SH3TC1: variants seen among roughly 807,000 people sequenced by gnomAD.
SH3TC1 encodes the protein SH3 domain and tetratricopeptide repeats 1, also known as SH3 domain and tetratricopeptide repeat-containing protein 1.
A neutral mutation model predicts 117.3 loss-of-function variants in SH3TC1; 135 were observed. The observed-to-expected ratio is 1.15, with a 90% CI of 1.00 to 1.33. The LOEUF is 1.33. Ranked by LOEUF, SH3TC1 falls within the 40% of genes most tolerant of loss-of-function variation. SH3TC1 has a pLI of 0.00. For missense variants in SH3TC1, 2,092 were observed against 1,794.3 expected (o/e 1.17, Z -3.00); for synonymous variants, 898 against 816.9 (o/e 1.10, Z -1.69).
At chr4:8,231,260 G>T (rs543393954) in intron 12 of SH3TC1, 2 of 152,492 alleles carry the variant, frequency 1.3e-5, no homozygotes, top group South Asian at 2.1e-4. Flanking sequence ...CTCCTGCTTT[G>T]GTCTCAGTCC....
At chr4:8,233,103 G>A (rs903493591) in intron 13 of SH3TC1, 56 of 1,316,798 alleles carry the variant, frequency 4.3e-5, no homozygotes, top group Middle Eastern at 5.9e-4. Context: ...TCTGGGACGC[G>A]GGGGAGATGG....
Position 8,225,312 on chromosome 4 carries a change from G to A in SH3TC1, c.1285+96G>A. 1.4e-6 allele frequency: 2 copies of A among 1,402,112 alleles called. No homozygotes were observed. Among genetic ancestry groups the A allele is most frequent in the Non-Finnish European group, 2.0e-6 (2 of 1,012,416 alleles). 86.9% of individuals were successfully genotyped at this position (1,402,112 alleles called of 1,614,324 possible). A position where few individuals can be genotyped will look rare whatever the true frequency, so the allele number is the denominator to read the frequency against. On this transcript the variant is annotated intron_variant, in intron 11 of 17. Coordinates refer to ENST00000245105, the MANE Select transcript of SH3TC1 (RefSeq NM_018986.5). This position sits in a 1 kb window ranked among gnomAD's most constrained non-coding sequence, Gnocchi z 5.5. ...ACAAAGCTGAGCACGGTGGGCATTG[G>A]GTGCGGCTGTCACCCCTCTGTGGTG...
At chr4:8,208,893 A>G (rs1473182130) in intron 2 of SH3TC1, among the ~76,000 whole-genome samples, 1 of 152,254 alleles carries the variant, frequency 6.6e-6, no homozygotes, top group Admixed American at 6.5e-5. Context: ...GACCGGCCAC[A>G]CAGAAGTTCA....
At chr4:8,231,327 G>A (rs1721184281) in intron 12 of SH3TC1, 2 of 152,788 alleles carry the variant, frequency 1.3e-5, no homozygotes, top group Non-Finnish European at 2.9e-5. Context: ...CTTGGGGAAT[G>A]TCCCATGGGC....
chr4:8,194,986 G>C (rs768526179), upstream of SH3TC1, among the ~76,000 whole-genome samples: 1 of 152,190 alleles, frequency 6.6e-6, no homozygotes, highest in African/African-American at 2.4e-5. Context: ...ATCTGGGCTG[G>C]TTCTGCCACA....
Position 8,214,558 on chromosome 4 carries a change from G to A in SH3TC1, c.459G>A (p.Lys153=). The A allele has an allele frequency of 7.4e-6, 12 of 1,613,920 alleles. No individual in the cohort carries two copies. Among genetic ancestry groups the A allele is most frequent in the Non-Finnish European group, 1.0e-5 (12 of 1,179,978 alleles). The part of the protein sequence containing the change: ...VTFKTFEEIW[K]FSTYHALGFT... ...TTAAGACTTTTGAAGAAATCTGGAA[G>A]TTTTCCACCTACCATGCTCTCGGTA... is the stretch of plus-strand genomic sequence containing the variant. Residue 153 remains lysine (K), a synonymous_variant, in exon 5 of 18, where the codon AAG becomes AAA. Transcript: ENST00000245105.
rs1230909205 is a variant in SH3TC1 at position 8,216,233 on chromosome 4, C to G, written c.604C>G (p.His202Asp). The change falls in exon 6 of 18, where the codon CAC becomes GAC. Residue 202 changes from histidine (H) to aspartate (D), a missense_variant. Transcript: ENST00000245105. The part of the protein sequence containing the change: ...HVDENALRLT[H>D]ESLLIQEGPF... ...GGATGAGAACGCCTTAAGGCTGACC[C>G]ACGAGAGCCTCCTCATCCAAGAAGG... 3.3e-5 allele frequency: 53 copies of G among 1,613,536 alleles called. No individual in the cohort carries two copies. The East Asian group carries it at 1.2e-3, about 36-fold the overall frequency.
chr4:8,222,849 T>C lies in SH3TC1; in HGVS notation c.1122T>C (p.Ser374=). Residue 374 remains serine, a synonymous_variant, in exon 10 of 18, where the codon AGT becomes AGC. Transcript: ENST00000245105. ...SMQGPVSELE[S]AIFLNEEEKS... is the part of the protein sequence containing the mutation. ...ACTTTATTTTTTCCAGGTTGGAAAG[T>C]GCGATTTTTCTCAATGAGGAAGAAA... 6.2e-7 allele frequency: 1 copy of C among 1,611,170 alleles called. No homozygotes were observed. The highest frequency in any genetic ancestry group is 1.1e-5 in the South Asian group (1 of 91,022).
intron 1 of SH3TC1, among the ~76,000 whole-genome samples, chr4:8,189,263 G>T (rs182524906): frequency 1.3e-5 from 2 of 152,252 alleles, no homozygotes; most frequent in Non-Finnish European, 2.9e-5. Flanking sequence ...AGCAAGGCCC[G>T]CCAGTCTCCT....
At position 8,227,425 on chromosome 4, in the gene SH3TC1, C is replaced by A; in HGVS notation, c.1731C>A (p.Ser577=). The change falls in exon 12 of 18, where the codon TCC becomes TCA. Residue 577 remains serine (S), a synonymous_variant. Coordinates refer to ENST00000245105, the MANE Select transcript of SH3TC1 (RefSeq NM_018986.5). ...TGTGCAGCAGGAGGCTCAAGCTGTC[C>A]CAGGCCCGGGTGTACTTTGAGGAAG... ...GRLCSRRLKL[S]QARVYFEEAL... is the part of the protein sequence containing the mutation. The A allele has an allele frequency of 6.4e-7, 1 of 1,555,062 alleles. No individual in the cohort carries two copies.
chr4:8,230,666 G>A (rs997050334), intron 12 of SH3TC1, among the ~76,000 whole-genome samples: 4 of 151,992 alleles, frequency 2.6e-5, no homozygotes, highest in African/African-American at 9.7e-5. Context: ...TCTTAAGGTG[G>A]AAGGTTGGGT....
chr4:8,218,724 C>T (rs1030617629), intron 8 of SH3TC1, among the ~76,000 whole-genome samples: 1 of 152,266 alleles, frequency 6.6e-6, no homozygotes, highest in African/African-American at 2.4e-5. Flanking sequence ...TGGGAAACGC[C>T]TGGAAGGCCC....
At chr4:8,200,981 C>T (rs879579291) in intron 1 of SH3TC1, among the ~76,000 whole-genome samples, 7 of 152,318 alleles carry the variant, frequency 4.6e-5, no homozygotes, top group South Asian at 2.1e-4. Flanking sequence ...GCTTCATCTG[C>T]GCAGACCATT....
In SH3TC1 at chr4:8,212,744, G is replaced by T; in HGVS notation, c.291G>T (p.Leu97=). Residue 97 remains leucine, a synonymous_variant, in exon 4 of 18, where the codon CTG becomes CTT. Coordinates refer to ENST00000245105, the MANE Select transcript of SH3TC1 (RefSeq NM_018986.5). The part of the protein sequence containing the change: ...QLLAVRRKSR[L]RDPGLQQTLR... ...TGGCTGTGCGGAGGAAGAGCAGACT[G>T]CGGGACCCCGGCCTACAGCAGACCC... 1 of 1,612,882 alleles carries T rather than the reference G, an allele frequency of 6.2e-7. No individual in the cohort carries two copies. The highest frequency in any genetic ancestry group is 1.7e-4 in the Middle Eastern group (1 of 6,030).
intron 9 of SH3TC1, among the ~76,000 whole-genome samples, chr4:8,221,304 G>A (rs911565523): frequency 1.3e-5 from 2 of 152,226 alleles, no homozygotes; most frequent in African/African-American, 2.4e-5. Context: ...GAAGGATGAC[G>A]GGGCTGGGTG....
chr4:8,216,009 A>T, intron 5 of SH3TC1, 102 bp from the exon 6 acceptor site: 4 of 1,399,910 alleles, frequency 2.9e-6, no homozygotes, highest in Non-Finnish European at 3.9e-6. Context: ...GTCTCCCTGG[A>T]CCTGGTCAGT....
At chr4:8,215,689 A>G (rs1412643255) in intron 5 of SH3TC1, among the ~76,000 whole-genome samples, 1 of 152,166 alleles carries the variant, frequency 6.6e-6, no homozygotes, top group East Asian at 1.9e-4. Context: ...CATCCCAGAG[A>G]CAAGGCTTCA....
chr4:8,214,644 C>T, intron 5 of SH3TC1, 64 bp downstream of exon 5: 1 of 1,202,696 alleles, frequency 8.3e-7, no homozygotes. Flanking sequence ...TGGTTACACA[C>T]CGTGCACTTA....
intron 10 of SH3TC1, among the ~76,000 whole-genome samples, chr4:8,223,998 G>T (rs568314760): frequency 1.1e-4 from 17 of 151,902 alleles, no homozygotes; most frequent in African/African-American, 4.1e-4. Context: ...ACACAAATAC[G>T]CATGTAAATA....
Sources: gnomAD v4.1 joint callset for allele counts (sites outside exome capture counted in the v4.1 genomes callset) on GRCh38, gnomAD v4.1.1 for gene constraint, Gnocchi (gnomAD v3.1) non-coding constraint, MANE v1.5 for transcripts, NCBI Gene and HGNC (gene_info 2026-07-23, HGNC 2026-07-21) for gene names.